Variants in DLG2 observed in about 807,000 individuals in gnomAD.
The protein encoded by DLG2 is discs large MAGUK scaffold protein 2.
A neutral mutation model predicts 132.5 loss-of-function variants in DLG2; 45 were observed. The observed-to-expected ratio is 0.34, with a 90% CI of 0.27 to 0.44. The LOEUF (loss-of-function observed/expected upper bound fraction) is 0.44, where lower values mean the gene tolerates loss of function less well. DLG2 is among the 20% of genes least tolerant of loss of function. The pLI is 1.00. For missense variants in DLG2, 1,045 were observed against 1,196.9 expected, an observed-to-expected ratio of 0.87 and a Z score of 1.87; for synonymous variants, 424 against 419.6, an observed-to-expected ratio of 1.01 and a Z score of -0.13.
intron 19 of DLG2, among the ~76,000 whole-genome samples, chr11:83,560,728 C>G (rs1336638923): frequency 6.6e-6 from 1 of 152,104 alleles, no homozygotes; most frequent in Non-Finnish European, 1.5e-5. Context: ...GTAGAATGAT[C>G]AGGGATTTTC....
intron 6 of DLG2, among the ~76,000 whole-genome samples, chr11:84,944,658 G>A (rs1044210177): frequency 6.8e-6 from 1 of 147,620 alleles, no homozygotes; most frequent in African/African-American, 2.5e-5. Context: ...AGGCTGGAGT[G>A]CAGTGGCATG....
intron 6 of DLG2, among the ~76,000 whole-genome samples, chr11:84,724,317 G>T (rs560844796): frequency 6.6e-6 from 1 of 152,126 alleles, no homozygotes; most frequent in East Asian, 1.9e-4. Context: ...AAACCATTTT[G>T]TTCAGTTACC....
intron 6 of DLG2, among the ~76,000 whole-genome samples, chr11:84,671,819 A>G (rs935340497): frequency 6.6e-6 from 1 of 152,086 alleles, no homozygotes; most frequent in Non-Finnish European, 1.5e-5. Flanking sequence ...TGATTATGGG[A>G]ACTAAGTAAA....
At chr11:84,833,228 C>G (rs948432246) in intron 6 of DLG2, among the ~76,000 whole-genome samples, 16 of 151,648 alleles carry the variant, frequency 1.1e-4, no homozygotes, top group African/African-American at 3.9e-4. Flanking sequence ...TTCACTTTCC[C>G]AACAACCTGA....
chr11:84,437,061 C>T (rs748205564), intron 7 of DLG2, among the ~76,000 whole-genome samples: 31 of 152,172 alleles, frequency 2.0e-4, no homozygotes, highest in Non-Finnish European at 3.7e-4. Flanking sequence ...AGAGAGCTCT[C>T]TGAACAAGCA....
At chr11:84,234,228 G>A (rs945822458) in intron 8 of DLG2, among the ~76,000 whole-genome samples, 14 of 152,146 alleles carry the variant, frequency 9.2e-5, no homozygotes, top group African/African-American at 2.9e-4. Context: ...AGATCAAGCC[G>A]TGCACATGAT....
intron 16 of DLG2, among the ~76,000 whole-genome samples, chr11:83,852,956 G>C (rs987967465): frequency 6.6e-6 from 1 of 152,110 alleles, no homozygotes; most frequent in Non-Finnish European, 1.5e-5. Flanking sequence ...CTTGAACATG[G>C]CATTCTTAAA....
At chr11:84,283,932 C>T (rs2154371801) in intron 7 of DLG2, among the ~76,000 whole-genome samples, 1 of 151,162 alleles carries the variant, frequency 6.6e-6, no homozygotes, top group Non-Finnish European at 1.5e-5. Context: ...TCAGCCATGA[C>T]TCTTAAAAAC....
At chr11:83,612,170 G>A (rs1350679890) in intron 19 of DLG2, among the ~76,000 whole-genome samples, 2 of 152,144 alleles carry the variant, frequency 1.3e-5, no homozygotes, top group Non-Finnish European at 2.9e-5. Flanking sequence ...CTCAAGGGCA[G>A]GCACAGGGCT....
At position 84,996,705 on chromosome 11, in the gene DLG2, C is replaced by T. The variant is rs970153182; in HGVS notation, c.357+114956G>A. 6.6e-5 allele frequency among the ~76,000 whole-genome samples: 10 copies of T among 152,234 alleles called. 1 individual carries two copies. Among genetic ancestry groups the T allele is most frequent in the African/African-American group, 2.4e-4 (10 of 41,530 alleles). On this transcript the variant is annotated intron_variant, in intron 6 of 27. Coordinates refer to ENST00000376104, the MANE Select transcript of DLG2 (RefSeq NM_001142699.3). ...AATACATTAAATGGCACTAATTACA[C>T]AGTAAATATGAGGTAACATGAAATC...
At chr11:84,835,518 G>T (rs1376747372) in intron 6 of DLG2, among the ~76,000 whole-genome samples, 2 of 151,638 alleles carry the variant, frequency 1.3e-5, no homozygotes, top group Non-Finnish European at 3.0e-5. Flanking sequence ...CAGGAATTGT[G>T]CAATAAATTC....
chr11:85,565,627 G>T (rs1268084703), intron 3 of DLG2, among the ~76,000 whole-genome samples: 2 of 151,998 alleles, frequency 1.3e-5, no homozygotes, highest in East Asian at 1.9e-4. Context: ...TTAGTGACTG[G>T]TTCTTTCACT....
chr11:85,152,572 AC>A (rs2077328843), intron 5 of DLG2, among the ~76,000 whole-genome samples: 1 of 152,222 alleles, frequency 6.6e-6, no homozygotes, highest in Non-Finnish European at 1.5e-5. Context: ...TGCATGGGCT[AC>A]CGCACCCAGC....
In DLG2 at chr11:83,727,577, T is replaced by A. The variant is rs1458869708; in HGVS notation, c.1825+59113A>T. Among the ~76,000 whole-genome samples, 2 of 152,178 alleles carry A rather than the reference T, an allele frequency of 1.3e-5. 1 individual carries two copies. The highest frequency in any genetic ancestry group is 2.9e-5 in the Non-Finnish European group (2 of 68,028). ...TGGACACCTCTTCCTTCCCAAAAGT[T>A]CCCAGGATTTCTTTGTGACTTTTCC... On this transcript the variant is annotated intron_variant, in intron 18 of 27. Coordinates refer to ENST00000376104, the MANE Select transcript of DLG2 (RefSeq NM_001142699.3).
At chr11:85,362,962 T>G (rs1291665789) in intron 3 of DLG2, among the ~76,000 whole-genome samples, 12 of 152,130 alleles carry the variant, frequency 7.9e-5, no homozygotes, top group Non-Finnish European at 1.5e-5. Flanking sequence ...GGACTAAAGG[T>G]AGAGCTGGTT....
At chr11:84,781,109 A>G (rs149877429) in intron 6 of DLG2, among the ~76,000 whole-genome samples, 4 of 150,670 alleles carry the variant, frequency 2.7e-5, no homozygotes, top group East Asian at 3.9e-4. Flanking sequence ...AGTAATTTCA[A>G]TCTAAGTTTG....
intron 3 of DLG2, among the ~76,000 whole-genome samples, chr11:85,361,251 G>A (rs1370079096): frequency 1.3e-5 from 2 of 151,988 alleles, no homozygotes; most frequent in South Asian, 2.1e-4. Context: ...CGCCTCCCTG[G>A]TTCAAGCAAT....
chr11:84,924,391 G>A (rs1050881559), intron 6 of DLG2, among the ~76,000 whole-genome samples: 2 of 152,148 alleles, frequency 1.3e-5, no homozygotes, highest in East Asian at 3.9e-4. Flanking sequence ...CAGCAACAAG[G>A]AAGATCAGCA....
chr11:83,784,436 T>G (rs77116315), intron 18 of DLG2, among the ~76,000 whole-genome samples: 2,502 of 152,276 alleles, frequency 0.016, 79 homozygotes, highest in African/African-American at 0.057. Flanking sequence ...TCCAACTAAT[T>G]TAAAGCTGCA....
Sources: allele counts gnomAD v4.1 joint callset (sites outside exome capture counted in the v4.1 genomes callset), GRCh38; gene constraint gnomAD v4.1.1; transcripts MANE v1.5; gene names NCBI Gene and HGNC (gene_info 2026-07-23, HGNC 2026-07-21).